The following CMIP variants were observed in gnomAD, a reference collection of about 807,000 sequenced individuals.
The protein encoded by CMIP is C-Maf-inducing protein.
In CMIP, 13 loss-of-function variants were observed where a neutral mutation model predicts 97.3. That is an observed-to-expected ratio of 0.13 (90% confidence interval 0.09 to 0.21). CMIP has a LOEUF of 0.21. Among genes scored for constraint, CMIP ranks in the 10% least tolerant of loss-of-function variants. The pLI is 1.00. For synonymous variants in CMIP, 538 were observed against 436.3 expected (o/e 1.23, Z -2.91); for missense variants, 847 against 1,024.9 (o/e 0.83, Z 2.37).
intron 1 of CMIP, among the ~76,000 whole-genome samples, chr16:81,538,945 A>G (rs1201400689): frequency 6.6e-6 from 1 of 152,186 alleles, no homozygotes; most frequent in Non-Finnish European, 1.5e-5. Flanking sequence ...AACCTGATCT[A>G]CTAAGGTTGA....
At chr16:81,702,715 T>C (rs1306338904) in intron 17 of CMIP, 46 bp downstream of exon 17, 4 of 1,571,988 alleles carry the variant, frequency 2.5e-6, no homozygotes, top group African/African-American at 1.4e-5. Context: ...GAAGGTGGGT[T>C]GGTCCTCTCT....
chr16:81,516,698 C>T (rs1721754691), intron 1 of CMIP, among the ~76,000 whole-genome samples: 1 of 152,228 alleles, frequency 6.6e-6, no homozygotes, highest in African/African-American at 2.4e-5. Flanking sequence ...AAACTGTGGG[C>T]TCCCTGGGGG....
intron 1 of CMIP, among the ~76,000 whole-genome samples, chr16:81,523,039 A>G (rs1313737808): frequency 1.3e-5 from 2 of 151,820 alleles, no homozygotes; most frequent in East Asian, 1.9e-4. Context: ...TGATCCTCCC[A>G]CCTCAGCCCC....
rs115686826 is a variant in CMIP at position 81,532,762 on chromosome 16, T to C, written c.301-74805T>C. On this transcript the variant is annotated intron_variant, in intron 1 of 20. Transcript: ENST00000537098. Reference sequence around the variant, plus strand: ...GGTGTGACTCCCTGGGATGCAGCTCTGTGCCCTGACTCCAGTGTGCCATGC... The same window carrying C: ...GGTGTGACTCCCTGGGATGCAGCTCCGTGCCCTGACTCCAGTGTGCCATGC... Among the ~76,000 whole-genome samples the C allele has an allele frequency of 9.3e-3, 1,411 of 152,310 alleles. 20 individuals are homozygous for C. Among genetic ancestry groups the C allele is most frequent in the African/African-American group, 0.032 (1,337 of 41,570 alleles).
chr16:81,529,146 C>T (rs778067336), intron 1 of CMIP, among the ~76,000 whole-genome samples: 2 of 152,076 alleles, frequency 1.3e-5, no homozygotes, highest in Admixed American at 6.6e-5. Context: ...CAGCATGACA[C>T]GGATATAAGG....
At chr16:81,703,848 G>C in intron 17 of CMIP, 91 bp from the exon 18 acceptor site, 2 of 1,475,960 alleles carry the variant, frequency 1.4e-6, no homozygotes, top group Non-Finnish European at 1.8e-6. Flanking sequence ...TCTGTAGGGC[G>C]AGGGGAGAGG....
intron 14 of CMIP, 148 bp from the exon 15 acceptor site, chr16:81,699,537 C>T (rs1907149503): frequency 5.0e-6 from 3 of 598,822 alleles, no homozygotes; most frequent in Non-Finnish European, 9.3e-6. Context: ...TTGCATCCCC[C>T]TGGGGCCTGG....
In CMIP at chr16:81,474,730, G is replaced by A. The variant is rs567766831; in HGVS notation, c.300+29189G>A. 6.4e-4 allele frequency among the ~76,000 whole-genome samples: 97 copies of A among 152,322 alleles called. No homozygotes were observed. In the Middle Eastern group the frequency reaches 0.02, roughly 32 times the overall value. On this transcript the variant is annotated intron_variant, in intron 1 of 20. Coordinates refer to ENST00000537098, the MANE Select transcript of CMIP (RefSeq NM_198390.3). Reference sequence around the variant, plus strand: ...GCCGTGCTCATGGCGCCCTCCTCCTGGGGCTCCCTCTCCTCTGGTCCTGCC... The same window carrying A: ...GCCGTGCTCATGGCGCCCTCCTCCTAGGGCTCCCTCTCCTCTGGTCCTGCC...
At chr16:81,483,859 G>A (rs561072091) in intron 1 of CMIP, among the ~76,000 whole-genome samples, 1 of 152,312 alleles carries the variant, frequency 6.6e-6, no homozygotes, top group South Asian at 2.1e-4. Context: ...GCAGATAGTG[G>A]CGATCTTTAT....
In CMIP at chr16:81,628,895, G is replaced by A. The variant is rs543390455; in HGVS notation, c.477+7969G>A. ...TCATACCTGTAATCCCAGCACTTTC[G>A]GAGGCCGAGGCGGGAGGATCACTTG... is the stretch of plus-strand genomic sequence containing the variant. On this transcript the variant is annotated intron_variant, in intron 3 of 20. Transcript: ENST00000537098. Among the ~76,000 whole-genome samples the A allele has an allele frequency of 9.2e-5, 14 of 152,080 alleles. No homozygotes were observed. The East Asian group carries it at 1.7e-3, about 19-fold the overall frequency.
At position 81,635,040 on chromosome 16, in the gene CMIP, G is replaced by A. The variant is rs573206736; in HGVS notation, c.477+14114G>A. Among the ~76,000 whole-genome samples the A allele has an allele frequency of 7.7e-4, 117 of 152,300 alleles. 1 individual carries two copies. The highest frequency in any genetic ancestry group is 1.5e-3 in the Non-Finnish European group (104 of 68,030). On this transcript the variant is annotated intron_variant, in intron 3 of 20. Coordinates refer to ENST00000537098, the MANE Select transcript of CMIP (RefSeq NM_198390.3). ...GTATTTCGGAAGGGCTAGGAAACTC[G>A]CCTGGGGCTGCCCGCCTCCCACACC... is the stretch of plus-strand genomic sequence containing the variant.
rs766208672 is a variant in CMIP at position 81,445,521 on chromosome 16, A to C, written c.280A>C (p.Asn94His). The change falls in exon 1 of 21, where the codon AAC becomes CAC. Residue 94 changes from asparagine (N) to histidine (H), a missense_variant. Physicochemically the swap from Asn to His is moderately conservative, Grantham distance 68. Coordinates refer to ENST00000537098, the MANE Select transcript of CMIP (RefSeq NM_198390.3). ...WEPHHLTLAD[N>H]SLASATPTGY... ...GCCGCACCACCTAACGCTGGCCGAC[A>C]ACAGCCTGGCGTCCGCCACGGTGAG... 23 of 1,549,552 alleles carry C rather than the reference A, an allele frequency of 1.5e-5. No homozygotes were observed. Among genetic ancestry groups the C allele is most frequent in the South Asian group, 1.2e-5 (1 of 84,116 alleles).
At chr16:81,648,008 TC>T (rs1414760617) in intron 3 of CMIP, among the ~76,000 whole-genome samples, 2 of 69,964 alleles carry the variant, frequency 2.9e-5, no homozygotes, top group Non-Finnish European at 5.5e-5. Flanking sequence ...TAGCCCACCC[TC>T]CCCCCGCACC....
At chr16:81,682,293 G>A (rs1038839194) in intron 10 of CMIP, among the ~76,000 whole-genome samples, 1 of 152,128 alleles carries the variant, frequency 6.6e-6, no homozygotes, top group Non-Finnish European at 1.5e-5. Flanking sequence ...AGCCAGGCTC[G>A]GTGGCTCACA....
chr16:81,549,048 G>A (rs539808637), intron 1 of CMIP, among the ~76,000 whole-genome samples: 1 of 152,194 alleles, frequency 6.6e-6, no homozygotes, highest in Admixed American at 6.5e-5. Context: ...TCAGTTCCTG[G>A]ATCTATTTTA....
At chr16:81,596,115 C>T (rs4889347) in intron 1 of CMIP, among the ~76,000 whole-genome samples, 11,774 of 152,058 alleles carry the variant, frequency 0.077, 581 homozygotes, top group East Asian at 0.28. Context: ...CTCACTTTTA[C>T]CAGGGAGAAA....
At chr16:81,558,195 A>G (rs1235050809) in intron 1 of CMIP, among the ~76,000 whole-genome samples, 2 of 152,200 alleles carry the variant, frequency 1.3e-5, no homozygotes, top group African/African-American at 4.8e-5. Flanking sequence ...TCCGTCCATC[A>G]GAGGACACGA....
intron 1 of CMIP, among the ~76,000 whole-genome samples, chr16:81,459,712 C>T (rs964265663): frequency 2.6e-5 from 4 of 152,218 alleles, no homozygotes; most frequent in Non-Finnish European, 5.9e-5. Context: ...GTAGCAATTC[C>T]AGGGGTGTGC....
intron 1 of CMIP, among the ~76,000 whole-genome samples, chr16:81,569,707 G>T (rs931217869): frequency 2.0e-5 from 3 of 152,212 alleles, no homozygotes; most frequent in Non-Finnish European, 4.4e-5. Context: ...TGGAAAAGAT[G>T]GGCACAGTTG....
Sources: gnomAD v4.1 joint callset for allele counts (sites outside exome capture counted in the v4.1 genomes callset) on GRCh38, gnomAD v4.1.1 for gene constraint, MANE v1.5 for transcripts, NCBI Gene and HGNC (gene_info 2026-07-23, HGNC 2026-07-21) for gene names.